TNKS: variants seen among roughly 807,000 people sequenced by gnomAD.
TNKS encodes tankyrase.
A neutral mutation model predicts 135.8 loss-of-function variants in TNKS; 72 were observed. The ratio of observed to expected loss-of-function variants is 0.53; its 90% CI spans 0.44 to 0.64. TNKS has a LOEUF of 0.64. TNKS is among the 30% of genes least tolerant of loss of function. The pLI is 0.00. For missense variants in TNKS, 1,769 were observed against 1,674.0 expected, an observed-to-expected ratio of 1.06 and a Z score of -0.99; for synonymous variants, 849 against 649.3, an observed-to-expected ratio of 1.31 and a Z score of -4.68.
At chr8:9,660,289 G>C (rs562172581) in intron 3 of TNKS, among the ~76,000 whole-genome samples, 10 of 152,276 alleles carry the variant, frequency 6.6e-5, no homozygotes, top group African/African-American at 2.4e-4. Flanking sequence ...AGCAGAAAAA[G>C]AGAATTTTAG....
intron 15 of TNKS, among the ~76,000 whole-genome samples, chr8:9,734,611 G>A (rs1330094452): frequency 3.3e-5 from 5 of 152,130 alleles, no homozygotes; most frequent in Non-Finnish European, 7.4e-5. Context: ...TATATAGGTT[G>A]TCTCAAAGAT....
intron 2 of TNKS, among the ~76,000 whole-genome samples, chr8:9,585,889 G>A (rs889123215): frequency 2.0e-5 from 3 of 152,144 alleles, no homozygotes; most frequent in Non-Finnish European, 2.9e-5. Context: ...TTTTCTGGCT[G>A]AATGGCATTA....
At chr8:9,772,514 G>T (rs1266984412) in intron 26 of TNKS, 5 of 431,860 alleles carry the variant, frequency 1.2e-5, no homozygotes, top group Non-Finnish European at 1.9e-5. Flanking sequence ...AAGAAAGGCT[G>T]TGCTAACTTT....
intron 11 of TNKS, among the ~76,000 whole-genome samples, chr8:9,715,856 AG>A (rs1310288593): frequency 1.3e-5 from 2 of 152,142 alleles, no homozygotes; most frequent in African/African-American, 2.4e-5. Context: ...AAGTCTAAAT[AG>A]GAAAGACATG....
chr8:9,606,428 A>C (rs28615758), intron 2 of TNKS, among the ~76,000 whole-genome samples: 2 of 151,806 alleles, frequency 1.3e-5, no homozygotes, highest in African/African-American at 4.8e-5. Context: ...TTATATCTAT[A>C]TGTATTCTTA....
At chr8:9,580,075 C>A in intron 1 of TNKS, 84 bp from the exon 2 acceptor site, 2 of 1,170,554 alleles carry the variant, frequency 1.7e-6, no homozygotes, top group Non-Finnish European at 2.5e-6. Flanking sequence ...GTTGTTCATA[C>A]TTGTTGATAT....
At chr8:9,557,841 C>T (rs924438852) in intron 1 of TNKS, 9 of 152,184 alleles carry the variant, frequency 5.9e-5, no homozygotes, top group East Asian at 1.9e-4. Flanking sequence ...AAGCATATAT[C>T]GATCGCTTAA....
At chr8:9,773,835 C>CT (rs751463950) in intron 26 of TNKS, among the ~76,000 whole-genome samples, 1 of 152,126 alleles carries the variant, frequency 6.6e-6, no homozygotes, top group Non-Finnish European at 1.5e-5. Flanking sequence ...CGTGTTAACT[C>CT]TAGCGTCTGC....
chr8:9,720,612 A>G (rs984474691), intron 12 of TNKS, 67 bp downstream of exon 12: 3 of 1,491,730 alleles, frequency 2.0e-6, no homozygotes, highest in South Asian at 2.7e-5. Flanking sequence ...ATACACAGAC[A>G]AACTTTGCAG....
chr8:9,657,856 C>T (rs1473240095), intron 3 of TNKS, among the ~76,000 whole-genome samples: 6 of 147,134 alleles, frequency 4.1e-5, no homozygotes, highest in South Asian at 4.4e-4. Flanking sequence ...GGGCAGCTGC[C>T]GGGCGGAGGG....
chr8:9,648,796 C>G (rs1243663744), intron 3 of TNKS, among the ~76,000 whole-genome samples: 1 of 152,122 alleles, frequency 6.6e-6, no homozygotes, highest in African/African-American at 2.4e-5. Context: ...ACCTGTTCCC[C>G]TCACTTTCCC....
intron 2 of TNKS, among the ~76,000 whole-genome samples, chr8:9,593,968 C>T (rs532010645): frequency 6.6e-6 from 1 of 152,072 alleles, no homozygotes; most frequent in African/African-American, 2.4e-5. Flanking sequence ...CTCACTGGAA[C>T]CTTTGCCTCC....
intron 12 of TNKS, among the ~76,000 whole-genome samples, chr8:9,723,280 G>C (rs1804993004): frequency 6.7e-6 from 1 of 149,882 alleles, no homozygotes; most frequent in Non-Finnish European, 1.5e-5. Context: ...GAACTTTTTA[G>C]TTATTTATTA....
intron 25 of TNKS, among the ~76,000 whole-genome samples, chr8:9,768,091 C>T (rs888162441): frequency 5.3e-5 from 8 of 151,600 alleles, no homozygotes; most frequent in African/African-American, 1.9e-4. Context: ...CCTAAATAAG[C>T]AATAAAAGTG....
chr8:9,745,483 C>CA (rs1455836682), intron 17 of TNKS, among the ~76,000 whole-genome samples: 7 of 152,118 alleles, frequency 4.6e-5, no homozygotes, highest in Non-Finnish European at 1.0e-4. Context: ...TGACTCACTG[C>CA]AATCTCCGTC....
At chr8:9,727,467 T>A (rs916139132) in intron 13 of TNKS, among the ~76,000 whole-genome samples, 8 of 152,208 alleles carry the variant, frequency 5.3e-5, no homozygotes, top group Non-Finnish European at 1.2e-4. Context: ...AAGGTCTTGC[T>A]GTATTGCCCA....
intron 3 of TNKS, among the ~76,000 whole-genome samples, chr8:9,649,904 T>TG (rs1801079173): frequency 1.8e-5 from 1 of 54,832 alleles, no homozygotes; most frequent in South Asian, 6.5e-4. Flanking sequence ...TTTTTTTTTT[T>TG]TTTGAGATGG....
intron 3 of TNKS, among the ~76,000 whole-genome samples, chr8:9,660,398 T>A (rs575758354): frequency 6.6e-6 from 1 of 152,328 alleles, no homozygotes; most frequent in South Asian, 2.1e-4. Context: ...CATGATCAAG[T>A]GGGCTTCATC....
In TNKS at chr8:9,763,306, C is replaced by G; in HGVS notation, c.3372+62C>G. On this transcript the variant is annotated intron_variant, in intron 22 of 26. Transcript: ENST00000310430. ...GAAATCTGTGGATAAACCTCTTTTT[C>G]TGGAATTAACCTCGTCTTACATTGC... is the stretch of plus-strand genomic sequence containing the variant. 24 of 1,163,142 alleles carry G rather than the reference C, an allele frequency of 2.1e-5. 2 individuals carry two copies. The South Asian group carries it at 3.5e-4, about 17-fold the overall frequency. The allele number at this position is 1,163,142 out of a possible 1,614,324, so 72.1% of individuals were successfully genotyped here.
Sources: allele counts gnomAD v4.1 joint callset (sites outside exome capture counted in the v4.1 genomes callset), GRCh38; gene constraint gnomAD v4.1.1; transcripts MANE v1.5; gene names NCBI Gene and HGNC (gene_info 2026-07-23, HGNC 2026-07-21).